The following JAZF1 variants were observed in gnomAD, a reference collection of about 807,000 sequenced individuals.
JAZF1 encodes the protein juxtaposed with another zinc finger protein 1.
JAZF1 carries 8 observed loss-of-function variants against 26.4 expected under a neutral mutation model. The observed-to-expected ratio is 0.30, with a 90% CI of 0.18 to 0.55. The LOEUF is 0.55. Among genes scored for constraint, JAZF1 ranks in the 20% least tolerant of loss-of-function variants. The pLI is 0.94. For missense variants in JAZF1, 199 were observed against 322.0 expected (o/e 0.62, Z 2.92); for synonymous variants, 126 against 122.3 (o/e 1.03, Z -0.20).
At chr7:27,911,097 A>G (rs1016360640) in intron 2 of JAZF1, among the ~76,000 whole-genome samples, 2 of 152,240 alleles carry the variant, frequency 1.3e-5, no homozygotes, top group African/African-American at 4.8e-5. Context: ...TCCAACAACC[A>G]AACACCGAAG....
chr7:28,115,786 A>G (rs1266741641), intron 1 of JAZF1, among the ~76,000 whole-genome samples: 4 of 152,156 alleles, frequency 2.6e-5, no homozygotes. Context: ...AACCACTTTT[A>G]TTGAACTCCT....
chr7:28,116,599 C>G (rs992352902), intron 1 of JAZF1, among the ~76,000 whole-genome samples: 3 of 148,672 alleles, frequency 2.0e-5, no homozygotes, highest in African/African-American at 7.3e-5. Flanking sequence ...CGTGCCACTA[C>G]GCCCGGCTAA....
chr7:27,983,645 T>C (rs182626681), intron 2 of JAZF1, among the ~76,000 whole-genome samples: 4 of 152,108 alleles, frequency 2.6e-5, no homozygotes, highest in Admixed American at 6.5e-5. Flanking sequence ...AGACACATGA[T>C]TGTCAGATTC....
At chr7:27,876,630 A>G (rs1415469915) in intron 3 of JAZF1, among the ~76,000 whole-genome samples, 1 of 152,188 alleles carries the variant, frequency 6.6e-6, no homozygotes, top group Non-Finnish European at 1.5e-5. Context: ...CTTTTATCTC[A>G]CTAATTAATA....
chr7:28,021,950 C>G (rs1783014245), intron 1 of JAZF1, among the ~76,000 whole-genome samples: 1 of 152,156 alleles, frequency 6.6e-6, no homozygotes, highest in South Asian at 2.1e-4. Context: ...AAAATTCAAA[C>G]AAAGAAACAA....
chr7:27,940,700 G>T (rs6462060), intron 2 of JAZF1, among the ~76,000 whole-genome samples: 145,249 of 152,214 alleles, frequency 0.95, 69,399 homozygotes, highest in East Asian at 1. Flanking sequence ...ATCAGAAGGG[G>T]TTTACACCAG....
intron 2 of JAZF1, among the ~76,000 whole-genome samples, chr7:27,938,641 T>C (rs1784794346): frequency 6.6e-6 from 1 of 152,164 alleles, no homozygotes. Context: ...ATTCAGTAAG[T>C]AGCAGCCATT....
intron 1 of JAZF1, among the ~76,000 whole-genome samples, chr7:28,090,946 C>A (rs1784286787): frequency 6.6e-6 from 1 of 150,988 alleles, no homozygotes. Flanking sequence ...CCTGCCTCAG[C>A]CTCCCGAGTA....
chr7:27,933,614 A>G (rs146364918), intron 2 of JAZF1, among the ~76,000 whole-genome samples: 3 of 152,344 alleles, frequency 2.0e-5, no homozygotes, highest in African/African-American at 7.2e-5. Context: ...TTAGTAAGCC[A>G]TATTTGGCTA....
intron 1 of JAZF1, among the ~76,000 whole-genome samples, chr7:28,100,737 T>C (rs961203165): frequency 1.3e-5 from 2 of 151,222 alleles, no homozygotes. Context: ...ACCATCCATA[T>C]GCACTGCTTT....
At chr7:27,850,547 G>A (rs1783125331) in intron 3 of JAZF1, among the ~76,000 whole-genome samples, 2 of 152,172 alleles carry the variant, frequency 1.3e-5, no homozygotes, top group Non-Finnish European at 2.9e-5. Context: ...ACAGTTCCCA[G>A]GACACTGCTG....
At chr7:28,043,555 T>C (rs1345803374) in intron 1 of JAZF1, among the ~76,000 whole-genome samples, 2 of 152,298 alleles carry the variant, frequency 1.3e-5, no homozygotes, top group South Asian at 4.1e-4. Flanking sequence ...TCTAAAATTA[T>C]TACACAGCCA....
At chr7:27,846,392 C>CGTATACGTGTAT (rs1554328578) in intron 3 of JAZF1, 4 of 419,712 alleles carry the variant, frequency 9.5e-6, no homozygotes, top group African/African-American at 2.1e-5. Context: ...CGTATATATA[C>CGTATACGTGTAT]ATATACGTAT....
At chr7:28,042,146 A>G (rs886276074) in intron 1 of JAZF1, among the ~76,000 whole-genome samples, 12 of 152,260 alleles carry the variant, frequency 7.9e-5, no homozygotes, top group Non-Finnish European at 1.8e-4. Context: ...GAGTTCGTTA[A>G]GAGGGCTGAG....
chr7:28,055,233 C>T (rs1562572094), intron 1 of JAZF1, among the ~76,000 whole-genome samples: 1 of 152,062 alleles, frequency 6.6e-6, no homozygotes, highest in Non-Finnish European at 1.5e-5. Flanking sequence ...CCTCCCATCC[C>T]CTTTTTGCAT....
At chr7:28,041,048 C>T (rs1783381450) in intron 1 of JAZF1, among the ~76,000 whole-genome samples, 1 of 152,056 alleles carries the variant, frequency 6.6e-6, no homozygotes, top group Non-Finnish European at 1.5e-5. Context: ...CAAATTCTTT[C>T]AGAAATGCAT....
chr7:27,906,095 TAGG>T (rs1784251532), intron 2 of JAZF1, among the ~76,000 whole-genome samples: 4 of 152,198 alleles, frequency 2.6e-5, no homozygotes, highest in African/African-American at 9.7e-5. Flanking sequence ...CTCTTAAATT[TAGG>T]TGGAATTGCT....
At chr7:27,951,081 C>T (rs757434954) in intron 2 of JAZF1, among the ~76,000 whole-genome samples, 1 of 152,170 alleles carries the variant, frequency 6.6e-6, no homozygotes, top group Non-Finnish European at 1.5e-5. Context: ...GGTGAACCCA[C>T]GTAACCCAGC....
At chr7:27,885,660 C>T (rs1164453070) in intron 3 of JAZF1, among the ~76,000 whole-genome samples, 2 of 152,140 alleles carry the variant, frequency 1.3e-5, no homozygotes, top group African/African-American at 4.8e-5. Flanking sequence ...TTTAGTGTTG[C>T]CGAAGTCCAA....
Sources: allele counts gnomAD v4.1 joint callset (sites outside exome capture counted in the v4.1 genomes callset), GRCh38; gene constraint gnomAD v4.1.1; transcripts MANE v1.5; gene names NCBI Gene and HGNC (gene_info 2026-07-23, HGNC 2026-07-21).